SNX29: variants seen among roughly 807,000 people sequenced by gnomAD.
SNX29 encodes sorting nexin 29.
In SNX29, 78 loss-of-function variants were observed where a neutral mutation model predicts 102.1. The observed-to-expected ratio is 0.76, with a 90% CI of 0.64 to 0.92. The LOEUF is 0.92. SNX29 is among the 40% of genes least tolerant of loss of function. SNX29 has a pLI of 0.00. For synonymous variants in SNX29, 580 were observed against 414.5 expected, an observed-to-expected ratio of 1.40 and a Z score of -4.85; for missense variants, 1,280 against 1,061.7, an observed-to-expected ratio of 1.21 and a Z score of -2.86.
chr16:12,520,911 G>A (rs1189954476), intron 19 of SNX29, among the ~76,000 whole-genome samples: 3 of 152,152 alleles, frequency 2.0e-5, no homozygotes, highest in Admixed American at 6.5e-5. Flanking sequence ...TAAAGAACTC[G>A]TTCAAGGCCG....
intron 14 of SNX29, among the ~76,000 whole-genome samples, chr16:12,260,497 C>T (rs1384603570): frequency 6.6e-6 from 1 of 152,178 alleles, no homozygotes; most frequent in African/African-American, 2.4e-5. Flanking sequence ...CTAGAAGTCT[C>T]TCCACAAAGC....
intron 13 of SNX29, among the ~76,000 whole-genome samples, chr16:12,197,806 G>A (rs1410283347): frequency 6.6e-6 from 1 of 151,898 alleles, no homozygotes; most frequent in Non-Finnish European, 1.5e-5. Flanking sequence ...GATGAACGTC[G>A]AGTTCTCAGG....
chr16:12,138,399 G>C lies in SNX29; in HGVS notation c.1595+8641G>C, dbSNP rs143294788. On this transcript the variant is annotated intron_variant, in intron 13 of 20. Coordinates refer to ENST00000566228, the MANE Select transcript of SNX29 (RefSeq NM_032167.5). Reference sequence around the variant, plus strand: ...ATTTGTATATTTTTAGTAGAGATGGGGTTTCACCATGTTGTCTAGGCTGGT... The same window carrying C: ...ATTTGTATATTTTTAGTAGAGATGGCGTTTCACCATGTTGTCTAGGCTGGT... 3.8e-3 allele frequency among the ~76,000 whole-genome samples: 583 copies of C among 151,962 alleles called. 4 individuals are homozygous for C. The highest frequency in any genetic ancestry group is 0.013 in the African/African-American group (543 of 41,416).
At chr16:12,465,584 A>T (rs966538096) in intron 18 of SNX29, among the ~76,000 whole-genome samples, 1 of 152,146 alleles carries the variant, frequency 6.6e-6, no homozygotes, top group African/African-American at 2.4e-5. Context: ...GTTTTTAATG[A>T]CAGCAGCAAA....
intron 15 of SNX29, among the ~76,000 whole-genome samples, chr16:12,329,846 A>C (rs892795064): frequency 1.3e-5 from 2 of 152,036 alleles, no homozygotes; most frequent in African/African-American, 2.4e-5. Flanking sequence ...CACAAAGATC[A>C]CTGTTCCTCT....
At chr16:12,046,252 C>G in intron 5 of SNX29, 132 bp from the exon 6 acceptor site, 1 of 841,918 alleles carries the variant, frequency 1.2e-6, no homozygotes, top group Non-Finnish European at 1.9e-6. Flanking sequence ...CAGCAGAGAC[C>G]TCAGACAAAT....
intron 10 of SNX29, among the ~76,000 whole-genome samples, chr16:12,075,491 C>T (rs566000043): frequency 1.4e-4 from 22 of 152,266 alleles, no homozygotes; most frequent in Admixed American, 5.2e-4. Context: ...TTTCGTGATC[C>T]GCGAATGCTG....
chr16:12,429,692 C>T (rs2085234491), intron 18 of SNX29, among the ~76,000 whole-genome samples: 2 of 152,194 alleles, frequency 1.3e-5, no homozygotes, highest in Non-Finnish European at 2.9e-5. Flanking sequence ...TCTGATTGTT[C>T]CTTTTGCTCA....
chr16:12,117,952 C>T (rs2053804164), intron 11 of SNX29, among the ~76,000 whole-genome samples: 1 of 151,992 alleles, frequency 6.6e-6, no homozygotes, highest in African/African-American at 2.4e-5. Flanking sequence ...AAAAACTTAG[C>T]CGGGTGTGGT....
At chr16:12,549,314 A>G (rs2856773) in intron 20 of SNX29, among the ~76,000 whole-genome samples, 49,595 of 151,932 alleles carry the variant, frequency 0.33, 10,084 homozygotes, top group East Asian at 0.74. Flanking sequence ...GGTCAATATG[A>G]CAAAACCCCA....
At chr16:12,559,170 C>CGCTGCTCACCCA in intron 20 of SNX29, among the ~76,000 whole-genome samples, 1 of 152,240 alleles carries the variant, frequency 6.6e-6, no homozygotes, top group African/African-American at 2.4e-5. Flanking sequence ...CAGTCCATAG[C>CGCTGCTCACCCA]CTGTTAGGTA....
chr16:12,461,182 T>C (rs959810383), intron 18 of SNX29, among the ~76,000 whole-genome samples: 2 of 152,196 alleles, frequency 1.3e-5, no homozygotes, highest in Non-Finnish European at 2.9e-5. Context: ...GCAGCCTTAG[T>C]CTTATTGTGT....
intron 19 of SNX29, among the ~76,000 whole-genome samples, chr16:12,523,408 C>G (rs542948437): frequency 3.3e-5 from 5 of 152,210 alleles, no homozygotes; most frequent in African/African-American, 4.8e-5. Flanking sequence ...GTTTCTTCAC[C>G]TTGCTTGGTC....
intron 15 of SNX29, among the ~76,000 whole-genome samples, chr16:12,303,312 C>T (rs918716732): frequency 6.6e-6 from 1 of 152,172 alleles, no homozygotes; most frequent in African/African-American, 2.4e-5. Context: ...CAGCATCGCT[C>T]ACGATGGCAA....
chr16:12,570,270 G>T lies in SNX29; in HGVS notation c.*1641G>T. The T allele has an allele frequency of 9.4e-7, 1 of 1,064,764 alleles. No individual in the cohort carries two copies. Among genetic ancestry groups the T allele is most frequent in the Non-Finnish European group, 1.1e-6 (1 of 878,890 alleles). The allele number at this position is 1,064,764 out of a possible 1,614,324, so 66.0% of individuals were successfully genotyped here. ...TGAGCTGGAGCATGTATGGAGGTGC[G>T]GACCCTGCAGTCAGTTTGCGAGTGT... On this transcript the variant is annotated 3_prime_UTR_variant, in exon 21 of 21. Transcript: ENST00000566228.
chr16:12,061,933 C>G (rs992601989), intron 9 of SNX29, among the ~76,000 whole-genome samples: 3 of 152,168 alleles, frequency 2.0e-5, no homozygotes, highest in African/African-American at 7.2e-5. Flanking sequence ...TTACCAGTGG[C>G]CCGTTGAACT....
At chr16:12,137,863 G>C (rs2054718862) in intron 13 of SNX29, among the ~76,000 whole-genome samples, 1 of 152,290 alleles carries the variant, frequency 6.6e-6, no homozygotes, top group African/African-American at 2.4e-5. Flanking sequence ...GATGGCCTTT[G>C]GAATCAAGGG....
At chr16:12,315,153 C>T (rs187485751) in intron 15 of SNX29, among the ~76,000 whole-genome samples, 2 of 152,206 alleles carry the variant, frequency 1.3e-5, no homozygotes, top group Admixed American at 1.3e-4. Flanking sequence ...ATGATAGAAC[C>T]CCTGGTGACT....
At chr16:12,034,948 A>G (rs3960251) in intron 4 of SNX29, among the ~76,000 whole-genome samples, 2 of 151,932 alleles carry the variant, frequency 1.3e-5, no homozygotes, top group Non-Finnish European at 2.9e-5. Context: ...GAGGCGGAGG[A>G]TTCAGTGAGC....
Sources: gnomAD v4.1 joint callset for allele counts (sites outside exome capture counted in the v4.1 genomes callset) on GRCh38, gnomAD v4.1.1 for gene constraint, MANE v1.5 for transcripts, NCBI Gene and HGNC (gene_info 2026-07-23, HGNC 2026-07-21) for gene names.